NCAM1: variants seen among roughly 807,000 people sequenced by gnomAD.
NCAM1 encodes the protein neural cell adhesion molecule 1.
NCAM1 carries 14 observed loss-of-function variants against 109.8 expected under a neutral mutation model. That is an observed-to-expected ratio of 0.13 (90% confidence interval 0.08 to 0.20). The LOEUF (loss-of-function observed/expected upper bound fraction) is 0.20. NCAM1 is among the 10% of genes least tolerant of loss of function. NCAM1 has a pLI of 1.00. For missense variants in NCAM1, 774 were observed against 1,109.9 expected (o/e 0.70, Z 4.30); for synonymous variants, 418 against 442.9 (o/e 0.94, Z 0.70).
At chr11:113,229,300 G>GAT (rs1555116750) in intron 9 of NCAM1, among the ~76,000 whole-genome samples, 1 of 152,210 alleles carries the variant, frequency 6.6e-6, no homozygotes, top group Admixed American at 6.5e-5. Context: ...CTCAAAAGAA[G>GAT]ATATTTATGC....
chr11:113,019,774 A>G (rs148937167), intron 1 of NCAM1, among the ~76,000 whole-genome samples: 45 of 152,196 alleles, frequency 3.0e-4, no homozygotes, highest in Non-Finnish European at 5.3e-4. Context: ...CCAATATAGA[A>G]CTCATTAACT....
intron 1 of NCAM1, among the ~76,000 whole-genome samples, chr11:113,096,214 C>G (rs1232956720): frequency 1.3e-5 from 2 of 152,064 alleles, no homozygotes; most frequent in African/African-American, 4.8e-5. Flanking sequence ...GGGTCTCCAG[C>G]AGTGGGATAC....
intron 9 of NCAM1, among the ~76,000 whole-genome samples, chr11:113,226,035 A>C (rs912925488): frequency 2.6e-5 from 4 of 152,240 alleles, no homozygotes; most frequent in Non-Finnish European, 5.9e-5. Context: ...TAACGAGCAA[A>C]ATAACCAGCT....
intron 1 of NCAM1, among the ~76,000 whole-genome samples, chr11:113,189,754 G>A (rs1943620680): frequency 6.6e-6 from 1 of 152,048 alleles, no homozygotes. Flanking sequence ...AAGCGAGTTT[G>A]TCAAGGACAG....
chr11:113,167,362 T>C (rs782270274), intron 1 of NCAM1, among the ~76,000 whole-genome samples: 1 of 152,128 alleles, frequency 6.6e-6, no homozygotes, highest in Non-Finnish European at 1.5e-5. Context: ...TGGGGTGCCA[T>C]GAGGGAACCA....
chr11:113,222,565 G>A (rs1944719047), intron 9 of NCAM1, among the ~76,000 whole-genome samples: 1 of 152,208 alleles, frequency 6.6e-6, no homozygotes, highest in South Asian at 2.1e-4. Flanking sequence ...TGCTGTCACA[G>A]GTTGGGTGCT....
At chr11:113,004,809 G>T (rs994733962) in intron 1 of NCAM1, among the ~76,000 whole-genome samples, 1 of 144,550 alleles carries the variant, frequency 6.9e-6, no homozygotes, top group Non-Finnish European at 1.5e-5. Context: ...AAATGTTCTT[G>T]TACTGATTCT....
At chr11:113,050,500 T>G (rs1810022746) in intron 1 of NCAM1, among the ~76,000 whole-genome samples, 1 of 152,230 alleles carries the variant, frequency 6.6e-6, no homozygotes, top group Admixed American at 6.5e-5. Flanking sequence ...GATATGTGGC[T>G]TTATTTCTGG....
At chr11:113,016,588 C>A (rs1952211137) in intron 1 of NCAM1, among the ~76,000 whole-genome samples, 1 of 152,166 alleles carries the variant, frequency 6.6e-6, no homozygotes, top group Admixed American at 6.5e-5. Context: ...CACTTGGGGG[C>A]AGACACCAGA....
intron 1 of NCAM1, among the ~76,000 whole-genome samples, chr11:113,123,295 T>C (rs1338716991): frequency 6.6e-6 from 1 of 152,214 alleles, no homozygotes; most frequent in Non-Finnish European, 1.5e-5. Flanking sequence ...ACATATTGTA[T>C]GTATGCATCA....
At position 113,274,574 on chromosome 11, in the gene NCAM1, G is replaced by A. The variant is rs1946365366; in HGVS notation, c.2457-693G>A. Among the ~76,000 whole-genome samples the A allele has an allele frequency of 6.6e-6, 1 of 152,204 alleles. No homozygotes were observed. The highest frequency in any genetic ancestry group is 2.1e-4 in the South Asian group (1 of 4,834). ...ATGGGCTGCAAGGGGCTCTCGCCAGGAGCCCTGAATCTCAGCATCGGGAGG... is the reference window on the plus strand; with the variant it reads ...ATGGGCTGCAAGGGGCTCTCGCCAGAAGCCCTGAATCTCAGCATCGGGAGG... On this transcript the variant is annotated intron_variant, in intron 19 of 19. Coordinates refer to ENST00000316851, the MANE Select transcript of NCAM1 (RefSeq NM_181351.5). This position sits in a 1 kb window ranked among gnomAD's most constrained non-coding sequence, Gnocchi z 4.1.
intron 1 of NCAM1, among the ~76,000 whole-genome samples, chr11:113,118,838 A>T (rs1006808496): frequency 3.3e-5 from 5 of 152,096 alleles, no homozygotes; most frequent in Non-Finnish European, 5.9e-5. Context: ...AAACACAAGG[A>T]AAGAAAAGAC....
intron 1 of NCAM1, among the ~76,000 whole-genome samples, chr11:113,138,667 G>C (rs1338780154): frequency 6.6e-6 from 1 of 152,062 alleles, no homozygotes; most frequent in Non-Finnish European, 1.5e-5. Context: ...ACTCATATTT[G>C]AATGTGATTT....
At chr11:113,271,519 A>G (rs1386877164) in intron 18 of NCAM1, among the ~76,000 whole-genome samples, 1 of 152,082 alleles carries the variant, frequency 6.6e-6, no homozygotes, top group East Asian at 1.9e-4. Flanking sequence ...TTGAATTCTC[A>G]TAACTAGGCA....
At chr11:113,109,041 A>T (rs1197996429) in intron 1 of NCAM1, among the ~76,000 whole-genome samples, 1 of 148,006 alleles carries the variant, frequency 6.8e-6, no homozygotes, top group Non-Finnish European at 1.5e-5. Flanking sequence ...GAAGTATTTT[A>T]ACAAGGTTTT....
rs200123115 is a variant in NCAM1 at position 113,232,323 on chromosome 11, T to A, written c.1394T>A (p.Ile465Asn). Residue 465 changes from isoleucine to asparagine, a missense_variant, in exon 11 of 20, where the codon ATC (isoleucine) becomes AAC (asparagine). Ile to Asn is a moderately radical substitution (Grantham distance 149). Around this residue, in one of 4 missense-constraint regions of NCAM1, gnomAD observed 523 missense variants for 784.2 expected, o/e 0.67. Coordinates refer to ENST00000316851, the MANE Select transcript of NCAM1 (RefSeq NM_181351.5). Reference protein sequence around the residue: ...LPSSNYSNIKIYNTPSASYLE... With the variant: ...LPSSNYSNIKNYNTPSASYLE... The stretch of plus-strand genomic sequence containing the variant: ...AGCTCCAATTACAGCAATATCAAGA[T>A]CTACAACACCCCCTCTGCCAGCTAT... The A allele has an allele frequency of 6.2e-7, 1 of 1,612,866 alleles. No individual in the cohort carries two copies. The highest frequency in any genetic ancestry group is 8.5e-7 in the Non-Finnish European group (1 of 1,179,322).
intron 1 of NCAM1, among the ~76,000 whole-genome samples, chr11:112,980,108 C>T (rs1290208359): frequency 6.6e-6 from 1 of 151,766 alleles, no homozygotes; most frequent in African/African-American, 2.4e-5. Context: ...ACATCATTAG[C>T]CATCAGGGGA....
chr11:113,200,564 C>T (rs1449718089), intron 1 of NCAM1, among the ~76,000 whole-genome samples: 1 of 152,172 alleles, frequency 6.6e-6, no homozygotes, highest in Non-Finnish European at 1.5e-5. Flanking sequence ...GGCCTGGGCT[C>T]TGGGGCCACG....
intron 1 of NCAM1, among the ~76,000 whole-genome samples, chr11:113,105,318 G>T (rs1439712928): frequency 6.6e-6 from 1 of 152,170 alleles, no homozygotes; most frequent in African/African-American, 2.4e-5. Context: ...GTTCATTTCT[G>T]TATCCTGCTC....
Sources: gnomAD v4.1 joint callset for allele counts (sites outside exome capture counted in the v4.1 genomes callset) on GRCh38, gnomAD v4.1.1 for gene constraint, gnomAD v4.1.1 regional missense constraint, Gnocchi (gnomAD v3.1) non-coding constraint, MANE v1.5 for transcripts, NCBI Gene and HGNC (gene_info 2026-07-23, HGNC 2026-07-21) for gene names.